The following TOGARAM2 variants were observed in gnomAD, a reference collection of about 807,000 sequenced individuals.
TOGARAM2 encodes TOG array regulator of axonemal microtubules 2.
In TOGARAM2, 85 loss-of-function variants were observed where a neutral mutation model predicts 93.3. The observed-to-expected ratio is 0.91, with a 90% confidence interval of 0.76 to 1.09. The LOEUF (loss-of-function observed/expected upper bound fraction) is 1.09, where lower values mean the gene tolerates loss of function less well. Ranked by LOEUF, TOGARAM2 falls within the 50% of genes least tolerant of loss-of-function variation. The pLI, the probability that TOGARAM2 is intolerant of heterozygous loss-of-function variation, is 0.00. For synonymous variants in TOGARAM2, 593 were observed against 552.8 expected, an observed-to-expected ratio of 1.07 and a Z score of -1.02; for missense variants, 1,277 against 1,334.5, an observed-to-expected ratio of 0.96 and a Z score of 0.67.
At chr2:29,043,401 C>A (rs942038255) in intron 18 of TOGARAM2, among the ~76,000 whole-genome samples, 1 of 152,174 alleles carries the variant, frequency 6.6e-6, no homozygotes, top group South Asian at 2.1e-4. Flanking sequence ...CTGAGTGCCC[C>A]TCTCCAGGAA....
chr2:29,030,801 G>C (rs868247867), intron 14 of TOGARAM2, among the ~76,000 whole-genome samples: 14 of 152,232 alleles, frequency 9.2e-5, no homozygotes, highest in Middle Eastern at 6.8e-3. Flanking sequence ...AAAGTTGGAG[G>C]CTTCTCAATT....
At chr2:29,040,762 C>T (rs887109382) in intron 18 of TOGARAM2, among the ~76,000 whole-genome samples, 1 of 152,162 alleles carries the variant, frequency 6.6e-6, no homozygotes, top group African/African-American at 2.4e-5. Flanking sequence ...CTGCCCAGCC[C>T]TCCGCCACTG....
chr2:29,014,681 C>G, intron 8 of TOGARAM2, 120 bp downstream of exon 8: 2 of 1,292,718 alleles, frequency 1.5e-6, no homozygotes, highest in Non-Finnish European at 2.1e-6. Flanking sequence ...GCAAGGAGAG[C>G]CCGAGGCAGC....
intron 17 of TOGARAM2, among the ~76,000 whole-genome samples, chr2:29,035,952 T>A (rs537107299): frequency 1.0e-3 from 152 of 152,246 alleles, no homozygotes; most frequent in African/African-American, 3.6e-3. Flanking sequence ...GGGAGCTAGG[T>A]GCATCATGTT....
chr2:28,988,351 C>T (rs1036322451), intron 1 of TOGARAM2, among the ~76,000 whole-genome samples: 2 of 152,154 alleles, frequency 1.3e-5, no homozygotes, highest in Non-Finnish European at 2.9e-5. Context: ...CTCTTCACTG[C>T]CAATATCAAG....
chr2:29,036,449 A>C, intron 17 of TOGARAM2, 92 bp from the exon 18 acceptor site: 1 of 1,199,006 alleles, frequency 8.3e-7, no homozygotes. Flanking sequence ...GAGGTCGCTC[A>C]GTTGGGCCAG....
chr2:28,965,632 C>A (rs1025149797), intron 1 of TOGARAM2, among the ~76,000 whole-genome samples: 3 of 152,178 alleles, frequency 2.0e-5, no homozygotes, highest in African/African-American at 7.2e-5. Context: ...GGAATTGTAC[C>A]CTCTTGTGCA....
At position 29,009,738 on chromosome 2, in the gene TOGARAM2, C is replaced by T. The variant is rs72788117; in HGVS notation, c.831-1717C>T. Among the ~76,000 whole-genome samples, 70 of 152,102 alleles carry T rather than the reference C, an allele frequency of 4.6e-4. 1 individual carries two copies. Among genetic ancestry groups the T allele is most frequent in the East Asian group, 2.1e-3 (11 of 5,150 alleles). ...CATGCTTAGACGTTTGGGTTGGAGCCGGGAGGGGCTCTTGCTGGAAACAGG... is the reference window on the plus strand; with the variant it reads ...CATGCTTAGACGTTTGGGTTGGAGCTGGGAGGGGCTCTTGCTGGAAACAGG... On this transcript the variant is annotated intron_variant, in intron 6 of 19. Coordinates refer to ENST00000379558, the MANE Select transcript of TOGARAM2 (RefSeq NM_199280.4).
intron 1 of TOGARAM2, among the ~76,000 whole-genome samples, chr2:28,972,914 C>T (rs1671968198): frequency 6.6e-6 from 1 of 152,150 alleles, no homozygotes; most frequent in South Asian, 2.1e-4. Flanking sequence ...TTTGTTAGAG[C>T]CATTTCTTAA....
At chr2:28,982,601 G>A (rs1240598571) in intron 1 of TOGARAM2, among the ~76,000 whole-genome samples, 2 of 152,160 alleles carry the variant, frequency 1.3e-5, no homozygotes, top group Non-Finnish European at 2.9e-5. Context: ...TGAAGAAAGG[G>A]GGAGGTAGTT....
intron 1 of TOGARAM2, among the ~76,000 whole-genome samples, chr2:28,970,151 A>G (rs7595944): frequency 0.63 from 96,415 of 152,044 alleles, 30,754 homozygotes; most frequent in South Asian, 0.69. Flanking sequence ...GTCCTAGGAC[A>G]TAGGCAGGAA....
chr2:28,971,811 T>G (rs1248933332), intron 1 of TOGARAM2, among the ~76,000 whole-genome samples: 1 of 152,184 alleles, frequency 6.6e-6, no homozygotes, highest in Non-Finnish European at 1.5e-5. Flanking sequence ...AAAATATTAT[T>G]TGAATCGAAT....
upstream of TOGARAM2, among the ~76,000 whole-genome samples, chr2:28,977,731 G>A (rs1307723576): frequency 6.6e-6 from 1 of 152,134 alleles, no homozygotes; most frequent in African/African-American, 2.4e-5. Context: ...GCTGGCTGGT[G>A]GGCCAGGAGA....
intron 4 of TOGARAM2, 141 bp from the exon 5 acceptor site, chr2:29,002,395 G>A: frequency 2.9e-6 from 2 of 689,158 alleles, no homozygotes; most frequent in South Asian, 3.8e-5. Flanking sequence ...TACCAGTGGT[G>A]GGGTTGGGGA....
intron 12 of TOGARAM2, 47 bp downstream of exon 12, chr2:29,023,238 T>TA: frequency 6.9e-7 from 1 of 1,440,926 alleles, no homozygotes. Context: ...CCACTGCAGC[T>TA]GCTGGATGCA....
At chr2:29,010,155 C>G (rs1664147494) in intron 6 of TOGARAM2, among the ~76,000 whole-genome samples, 1 of 152,114 alleles carries the variant, frequency 6.6e-6, no homozygotes, top group Admixed American at 6.5e-5. Flanking sequence ...TCACCTCAGG[C>G]AGCCTGGGAC....
At chr2:28,977,331 G>A (rs564546940), upstream of TOGARAM2, among the ~76,000 whole-genome samples, 6 of 152,206 alleles carry the variant, frequency 3.9e-5, no homozygotes, top group South Asian at 2.1e-4. Context: ...TGGGGGAGGC[G>A]CCTGAGCATA....
chr2:29,007,270 A>G (rs1180189513), intron 6 of TOGARAM2, among the ~76,000 whole-genome samples: 1 of 152,128 alleles, frequency 6.6e-6, no homozygotes, highest in Admixed American at 6.5e-5. Flanking sequence ...GTGATCCAGC[A>G]CCAGAGGGAG....
chr2:28,982,687 A>G (rs969502916), intron 1 of TOGARAM2, among the ~76,000 whole-genome samples: 1 of 152,062 alleles, frequency 6.6e-6, no homozygotes, highest in Non-Finnish European at 1.5e-5. Flanking sequence ...CCTCCCATTG[A>G]CCCCACGGCT....
Sources: allele counts gnomAD v4.1 joint callset (sites outside exome capture counted in the v4.1 genomes callset), GRCh38; gene constraint gnomAD v4.1.1; transcripts MANE v1.5; gene names NCBI Gene and HGNC (gene_info 2026-07-23, HGNC 2026-07-21).